COX7B2: variants seen among roughly 807,000 people sequenced by gnomAD.
COX7B2 encodes the protein cytochrome c oxidase subunit 7B2, mitochondrial.
For missense variants in COX7B2, 109 were observed against 95.9 expected, an observed-to-expected ratio of 1.14 and a Z score of -0.57; for synonymous variants, 37 against 32.1, an observed-to-expected ratio of 1.15 and a Z score of -0.51.
At position 46,904,877 on chromosome 4, in the gene COX7B2, T is replaced by G. The variant is rs557668274; in HGVS notation, c.-105+4283A>C. On this transcript the variant is annotated intron_variant, in intron 1 of 2. Coordinates refer to ENST00000355591, the MANE Select transcript of COX7B2 (RefSeq NM_130902.3). ...TAGAGAAAAGGAAAAATTAAGAACA[T>G]GGATTCCTATTTGTATGTGTCTGCA... is the stretch of plus-strand genomic sequence containing the variant. Among the ~76,000 whole-genome samples the G allele has an allele frequency of 4.6e-5, 7 of 152,296 alleles. No individual in the cohort carries two copies. In the South Asian group the frequency reaches 1.4e-3, roughly 32 times the overall value.
At chr4:46,748,373 A>G (rs945545564) in intron 2 of COX7B2, among the ~76,000 whole-genome samples, 3 of 152,198 alleles carry the variant, frequency 2.0e-5, no homozygotes, top group African/African-American at 7.2e-5. Context: ...TAGTCTCAAA[A>G]CAAAAAAATA....
chr4:46,792,402 C>T (rs1329325495), intron 2 of COX7B2, among the ~76,000 whole-genome samples: 1 of 152,138 alleles, frequency 6.6e-6, no homozygotes, highest in Non-Finnish European at 1.5e-5. Context: ...GAGTAAAGCA[C>T]GTTGTCCTCC....
At chr4:46,849,890 G>T (rs561826038) in intron 1 of COX7B2, among the ~76,000 whole-genome samples, 5 of 151,912 alleles carry the variant, frequency 3.3e-5, no homozygotes, top group Non-Finnish European at 7.4e-5. Context: ...TCTATTTTAA[G>T]AATATGTTCA....
intron 1 of COX7B2, among the ~76,000 whole-genome samples, chr4:46,860,314 T>C (rs1577667430): frequency 6.6e-6 from 1 of 152,278 alleles, no homozygotes; most frequent in East Asian, 1.9e-4. Flanking sequence ...AAGGCTGTTT[T>C]CAGAGCCATC....
At chr4:46,747,351 T>G (rs927239878) in intron 2 of COX7B2, among the ~76,000 whole-genome samples, 1 of 150,940 alleles carries the variant, frequency 6.6e-6, no homozygotes, top group African/African-American at 2.4e-5. Context: ...TCGCCCAGGC[T>G]GGAGGGCAAT....
intron 2 of COX7B2, among the ~76,000 whole-genome samples, chr4:46,831,084 C>A (rs754429442): frequency 7.2e-5 from 11 of 152,104 alleles, no homozygotes; most frequent in Non-Finnish European, 1.3e-4. Flanking sequence ...GGCTTGCAGG[C>A]CAGCTAGAGT....
At chr4:46,905,075 G>C (rs1260482958) in intron 1 of COX7B2, among the ~76,000 whole-genome samples, 3 of 151,884 alleles carry the variant, frequency 2.0e-5, no homozygotes, top group Non-Finnish European at 4.4e-5. Context: ...TTACCTCAGA[G>C]AGTTGATACA....
At chr4:46,790,920 G>A (rs1294392220) in intron 2 of COX7B2, among the ~76,000 whole-genome samples, 3 of 152,108 alleles carry the variant, frequency 2.0e-5, no homozygotes, top group Non-Finnish European at 4.4e-5. Flanking sequence ...TGTAAACTTC[G>A]GTCCATTTCA....
intron 2 of COX7B2, among the ~76,000 whole-genome samples, chr4:46,740,727 T>C (rs1416546972): frequency 6.6e-6 from 1 of 152,042 alleles, no homozygotes; most frequent in East Asian, 1.9e-4. Flanking sequence ...AATTAAGTAC[T>C]CATACCAGAA....
At chr4:46,777,841 A>G (rs748059734) in intron 2 of COX7B2, among the ~76,000 whole-genome samples, 3 of 152,170 alleles carry the variant, frequency 2.0e-5, no homozygotes, top group South Asian at 4.1e-4. Flanking sequence ...CCTCAAAAAT[A>G]GATGGAGATA....
chr4:46,758,223 T>C (rs1199466928), intron 2 of COX7B2, among the ~76,000 whole-genome samples: 2 of 151,934 alleles, frequency 1.3e-5, no homozygotes, highest in Non-Finnish European at 2.9e-5. Flanking sequence ...TGAAACTTTG[T>C]GTATAGCAAT....
intron 1 of COX7B2, among the ~76,000 whole-genome samples, chr4:46,901,418 C>T (rs1249822628): frequency 6.6e-6 from 1 of 152,172 alleles, no homozygotes; most frequent in Non-Finnish European, 1.5e-5. Context: ...GGCAGTCCTA[C>T]ACAAGTTCTA....
rs940763611 is a variant in COX7B2, at chr4:46,787,308, G to A, written c.-49-52067C>T. Among the ~76,000 whole-genome samples the A allele has an allele frequency of 9.2e-5, 14 of 152,182 alleles. No homozygotes were observed. The East Asian group carries it at 1.4e-3, about 15-fold the overall frequency. ...ACTAAAAATACAAAGTTAGCCAGGC[G>A]TGGTGGTGCATACCTGTAATCCCAG... On this transcript the variant is annotated intron_variant, in intron 2 of 2. Coordinates refer to ENST00000355591, the MANE Select transcript of COX7B2 (RefSeq NM_130902.3).
chr4:46,807,047 A>C (rs1719035525), intron 2 of COX7B2, among the ~76,000 whole-genome samples: 1 of 151,936 alleles, frequency 6.6e-6, no homozygotes, highest in Non-Finnish European at 1.5e-5. Context: ...AAGAGGAATT[A>C]CTTGATGATA....
At chr4:46,835,645 T>C (rs1434357060) in intron 2 of COX7B2, among the ~76,000 whole-genome samples, 1 of 152,142 alleles carries the variant, frequency 6.6e-6, no homozygotes, top group Non-Finnish European at 1.5e-5. Flanking sequence ...ATGCATAAAG[T>C]AACATAGGTC....
Position 46,786,012 on chromosome 4 carries a change from G to A in COX7B2, c.-49-50771C>T, listed in dbSNP as rs566131870. ...CAGTTAAATGCAATAGATAGAAGCT[G>A]CTAGTTCTTTTTTTGAAATTCAAAA... is the stretch of plus-strand genomic sequence containing the variant. On this transcript the variant is annotated intron_variant, in intron 2 of 2. Transcript: ENST00000355591. Among the ~76,000 whole-genome samples the A allele has an allele frequency of 1.2e-3, 187 of 152,206 alleles. 1 individual carries two copies. Among genetic ancestry groups the A allele is most frequent in the African/African-American group, 4.3e-3 (177 of 41,538 alleles).
chr4:46,799,508 T>C (rs1577718949), intron 2 of COX7B2, among the ~76,000 whole-genome samples: 1 of 152,216 alleles, frequency 6.6e-6, no homozygotes. Flanking sequence ...CAGATAGCTC[T>C]TATTATTTCA....
rs149633262 is a variant in COX7B2, at chr4:46,789,155, T to C, written c.-49-53914A>G. ...TCACAGTCTATGAATCCAATCAACA[T>C]TCAAAGATTAGGAAGTTGATTAGCT... On this transcript the variant is annotated intron_variant, in intron 2 of 2. Transcript: ENST00000355591. Among the ~76,000 whole-genome samples the C allele has an allele frequency of 1.2e-3, 186 of 152,256 alleles. 1 individual carries two copies. The highest frequency in any genetic ancestry group is 4.2e-3 in the African/African-American group (176 of 41,566).
intron 1 of COX7B2, among the ~76,000 whole-genome samples, chr4:46,857,427 T>C (rs550057497): frequency 6.6e-6 from 1 of 152,096 alleles, no homozygotes; most frequent in East Asian, 1.9e-4. Context: ...TGCACTGGAG[T>C]CATGAATGCT....
Sources: gnomAD v4.1 joint callset for allele counts (sites outside exome capture counted in the v4.1 genomes callset) on GRCh38, gnomAD v4.1.1 for gene constraint, MANE v1.5 for transcripts, NCBI Gene and HGNC (gene_info 2026-07-23, HGNC 2026-07-21) for gene names.